SND1: variants seen among roughly 807,000 people sequenced by gnomAD.
The protein encoded by SND1 is staphylococcal nuclease and tudor domain containing 1.
In SND1, 38 loss-of-function variants were observed where a neutral mutation model predicts 121.7. The observed-to-expected ratio is 0.31, with a 90% CI of 0.24 to 0.41. The LOEUF (loss-of-function observed/expected upper bound fraction) is 0.41, where lower values mean the gene tolerates loss of function less well. Ranked by LOEUF, SND1 falls within the 10% of genes least tolerant of loss-of-function variation. The pLI, the probability that SND1 is intolerant of heterozygous loss-of-function variation, is 1.00. For synonymous variants in SND1, 401 were observed against 447.4 expected (o/e 0.90, Z 1.31); for missense variants, 868 against 1,184.6 (o/e 0.73, Z 3.92).
rs573999316 is a variant in SND1, at chr7:127,705,220, C to G, written c.947+275C>G. 1.1e-4 allele frequency among the ~76,000 whole-genome samples: 16 copies of G among 152,280 alleles called. No individual in the cohort carries two copies. The South Asian group carries it at 3.3e-3, about 32-fold the overall frequency. ...TTCAGGTCATTTTTTTCCCAAGCCC[C>G]TTGCTTAAGTTCTGGGTTTTAGACA... On this transcript the variant is annotated intron_variant, in intron 8 of 23. Transcript: ENST00000354725.
chr7:128,019,185 C>T (rs988503917), intron 16 of SND1, among the ~76,000 whole-genome samples: 2 of 152,224 alleles, frequency 1.3e-5, no homozygotes, highest in African/African-American at 4.8e-5. Context: ...TCCAGAGAAT[C>T]TGCCCATGAT....
chr7:128,019,474 G>T (rs1289152350), intron 16 of SND1, among the ~76,000 whole-genome samples: 1 of 152,186 alleles, frequency 6.6e-6, no homozygotes, highest in Non-Finnish European at 1.5e-5. Flanking sequence ...TATTGGAGGG[G>T]ACCGGTCTCT....
chr7:127,857,591 G>A (rs1799304207), intron 12 of SND1, among the ~76,000 whole-genome samples: 1 of 151,832 alleles, frequency 6.6e-6, no homozygotes, highest in African/African-American at 2.4e-5. Context: ...GAGGCCACGG[G>A]ACCCCTGACA....
chr7:127,760,696 A>G (rs1797289311), intron 10 of SND1, among the ~76,000 whole-genome samples: 3 of 152,196 alleles, frequency 2.0e-5, no homozygotes, highest in Admixed American at 1.3e-4. Context: ...CTTTGCCAAC[A>G]TTAAGGGAAG....
intron 10 of SND1, among the ~76,000 whole-genome samples, chr7:127,724,526 A>G (rs1587621746): frequency 1.3e-5 from 2 of 152,324 alleles, no homozygotes; most frequent in East Asian, 1.9e-4. Flanking sequence ...AATGGGGCAT[A>G]TGATGAACTG....
chr7:127,798,674 T>C (rs1798071095), intron 10 of SND1, among the ~76,000 whole-genome samples: 1 of 152,166 alleles, frequency 6.6e-6, no homozygotes, highest in African/African-American at 2.4e-5. Context: ...TTTATTGCCT[T>C]CGATTTAAAA....
At chr7:127,936,049 T>C (rs897676273) in intron 15 of SND1, among the ~76,000 whole-genome samples, 8 of 152,194 alleles carry the variant, frequency 5.3e-5, no homozygotes, top group Non-Finnish European at 1.2e-4. Context: ...GTATGTAGAA[T>C]GATCGCTTGG....
chr7:127,972,183 T>C (rs1157646090), intron 15 of SND1, among the ~76,000 whole-genome samples: 1 of 152,234 alleles, frequency 6.6e-6, no homozygotes, highest in East Asian at 1.9e-4. Context: ...CCCTCAAAGA[T>C]AACCAGTATC....
At chr7:128,086,893 G>A (rs1168897391) in intron 20 of SND1, 45 bp from the exon 21 acceptor site, 2 of 1,465,880 alleles carry the variant, frequency 1.4e-6, no homozygotes, top group Non-Finnish European at 1.9e-6. Flanking sequence ...AGAGAGCAAG[G>A]GGGCAGCGAG....
At chr7:127,700,741 TG>T (rs1796086490) in intron 4 of SND1, among the ~76,000 whole-genome samples, 1 of 152,188 alleles carries the variant, frequency 6.6e-6, no homozygotes, top group African/African-American at 2.4e-5. Flanking sequence ...AGCCTTGTTC[TG>T]TAAACTGAGA....
At chr7:127,963,645 GTC>G (rs1367635472) in intron 15 of SND1, among the ~76,000 whole-genome samples, 7 of 40,298 alleles carry the variant, frequency 1.7e-4, no homozygotes, top group Non-Finnish European at 2.9e-4. Context: ...TCTTAATCCA[GTC>G]TATCATTGTT....
chr7:127,732,604 C>T (rs983082648), intron 10 of SND1, among the ~76,000 whole-genome samples: 1 of 152,192 alleles, frequency 6.6e-6, no homozygotes, highest in African/African-American at 2.4e-5. Context: ...TAACCTGAGT[C>T]ACTTTTTAAA....
intron 16 of SND1, chr7:128,028,465 T>TC (rs977908719): frequency 1.6e-5 from 8 of 486,254 alleles, no homozygotes; most frequent in Non-Finnish European, 2.5e-5. Context: ...TTCCCAAGAT[T>TC]CCCCCCCACC....
At chr7:127,710,281 G>A (rs1479635259) in intron 9 of SND1, among the ~76,000 whole-genome samples, 2 of 152,194 alleles carry the variant, frequency 1.3e-5, no homozygotes, top group East Asian at 3.9e-4. Flanking sequence ...TAGAAACTGC[G>A]TGGCCTGCAA....
chr7:127,950,568 G>A (rs2116853813), intron 15 of SND1, among the ~76,000 whole-genome samples: 1 of 152,238 alleles, frequency 6.6e-6, no homozygotes, highest in African/African-American at 2.4e-5. Flanking sequence ...ACATTTTAGG[G>A]CATATCCTTG....
At chr7:127,846,520 C>T (rs1032850863) in intron 12 of SND1, among the ~76,000 whole-genome samples, 4 of 152,128 alleles carry the variant, frequency 2.6e-5, no homozygotes, top group Non-Finnish European at 5.9e-5. Flanking sequence ...TGTTGTGTCC[C>T]TAAAGATAGG....
chr7:127,767,954 A>G (rs573314358), intron 10 of SND1, among the ~76,000 whole-genome samples: 5 of 152,310 alleles, frequency 3.3e-5, no homozygotes, highest in African/African-American at 9.6e-5. Flanking sequence ...GAATAAACAC[A>G]TTCACAGAAG....
chr7:128,033,215 C>T (rs1792683825), intron 16 of SND1, among the ~76,000 whole-genome samples: 1 of 152,144 alleles, frequency 6.6e-6, no homozygotes, highest in African/African-American at 2.4e-5. Flanking sequence ...TGGTAGGAGA[C>T]CCTAAGGCAT....
chr7:128,077,026 G>A (rs765475280), intron 17 of SND1, among the ~76,000 whole-genome samples: 5 of 152,180 alleles, frequency 3.3e-5, no homozygotes, highest in Non-Finnish European at 7.3e-5. Flanking sequence ...GGGAACCACA[G>A]ATGGCAGATG....
Sources: allele counts gnomAD v4.1 joint callset (sites outside exome capture counted in the v4.1 genomes callset), GRCh38; gene constraint gnomAD v4.1.1; transcripts MANE v1.5; gene names NCBI Gene and HGNC (gene_info 2026-07-23, HGNC 2026-07-21).